Variants in NUDCD3 observed in about 807,000 individuals in gnomAD.
NUDCD3 encodes nudC domain-containing protein 3.
Under a neutral mutation model 39.7 loss-of-function variants are expected in NUDCD3, and 13 were observed. The ratio of observed to expected loss-of-function variants is 0.33; its 90% CI spans 0.21 to 0.52. NUDCD3 has a LOEUF of 0.52. Among genes scored for constraint, NUDCD3 ranks in the 20% least tolerant of loss-of-function variants. The pLI, the probability that NUDCD3 is intolerant of heterozygous loss-of-function variation, is 0.96. For synonymous variants in NUDCD3, 175 were observed against 172.4 expected (o/e 1.02, Z -0.12); for missense variants, 453 against 458.1 (o/e 0.99, Z 0.10).
chr7:44,468,301 G>A, intron 2 of NUDCD3: 1 of 1,407,612 alleles, frequency 7.1e-7, no homozygotes, highest in Non-Finnish European at 9.6e-7. Flanking sequence ...AAGAAAATGA[G>A]TAGACAGCTC....
chr7:44,395,871 C>G (rs1563164425), intron 4 of NUDCD3, among the ~76,000 whole-genome samples: 1 of 152,174 alleles, frequency 6.6e-6, no homozygotes. Flanking sequence ...AATAATGCTG[C>G]TATGAACATT....
chr7:44,407,206 C>T (rs1010219742), intron 3 of NUDCD3, among the ~76,000 whole-genome samples: 3 of 150,174 alleles, frequency 2.0e-5, no homozygotes, highest in African/African-American at 7.4e-5. Flanking sequence ...TTCAGACACA[C>T]AGTAGACAAA....
chr7:44,402,267 C>A (rs997280052), intron 4 of NUDCD3, among the ~76,000 whole-genome samples: 17 of 152,192 alleles, frequency 1.1e-4, no homozygotes, highest in African/African-American at 3.9e-4. Context: ...AAGAGCCTGG[C>A]CCAAAGACTG....
At chr7:44,423,788 A>G (rs1433206859) in intron 3 of NUDCD3, among the ~76,000 whole-genome samples, 1 of 152,206 alleles carries the variant, frequency 6.6e-6, no homozygotes, top group Non-Finnish European at 1.5e-5. Flanking sequence ...ACTAGAAAAA[A>G]ACTACTTTAA....
intron 3 of NUDCD3, among the ~76,000 whole-genome samples, chr7:44,406,316 T>C (rs967114955): frequency 1.3e-5 from 2 of 152,202 alleles, no homozygotes; most frequent in South Asian, 2.1e-4. Flanking sequence ...AAAAGGGTAT[T>C]TACTTGGCTA....
chr7:44,428,457 C>T (rs1382056187), intron 2 of NUDCD3, among the ~76,000 whole-genome samples: 4 of 149,440 alleles, frequency 2.7e-5, no homozygotes, highest in African/African-American at 9.8e-5. Context: ...AAAAAAAAGG[C>T]AAAACCACTT....
chr7:44,409,290 C>A (rs1229616104), intron 3 of NUDCD3, among the ~76,000 whole-genome samples: 2 of 152,182 alleles, frequency 1.3e-5, no homozygotes, highest in Non-Finnish European at 2.9e-5. Flanking sequence ...TATGCTCCAA[C>A]AGGTAGATGA....
At chr7:44,456,413 G>A (rs917167652) in intron 2 of NUDCD3, among the ~76,000 whole-genome samples, 4 of 152,124 alleles carry the variant, frequency 2.6e-5, no homozygotes, top group Admixed American at 2.0e-4. Context: ...GGTTAAACTC[G>A]AGCAAACTCC....
At chr7:44,389,046 T>C (rs1338469800) in intron 5 of NUDCD3, among the ~76,000 whole-genome samples, 5 of 152,222 alleles carry the variant, frequency 3.3e-5, no homozygotes, top group African/African-American at 1.2e-4. Flanking sequence ...GCCTGGGCTA[T>C]GCAGTGCCCT....
At position 44,485,412 on chromosome 7, in the gene NUDCD3, C is replaced by A. The variant is rs1800586163; in HGVS notation, c.193-128G>T. On this transcript the variant is annotated intron_variant, in intron 1 of 5. Coordinates refer to ENST00000355451, the MANE Select transcript of NUDCD3 (RefSeq NM_015332.4). ...AGAAACTGACAAGTTTTCCCACTGG[C>A]AAAATGGAAATGCACTGCCACTTCA... 1.2e-5 allele frequency: 9 copies of A among 777,022 alleles called. No homozygotes were observed. In the South Asian group the frequency reaches 1.2e-4, roughly 11 times the overall value. The allele number at this position is 777,022 out of a possible 1,614,324, so 48.1% of individuals were successfully genotyped here.
chr7:44,419,616 C>T (rs1440040232), intron 3 of NUDCD3, among the ~76,000 whole-genome samples: 1 of 152,130 alleles, frequency 6.6e-6, no homozygotes, highest in Non-Finnish European at 1.5e-5. Flanking sequence ...TGGCATTAGC[C>T]CAGTGCCCCT....
intron 2 of NUDCD3, among the ~76,000 whole-genome samples, chr7:44,468,658 T>G (rs1800185942): frequency 6.6e-6 from 1 of 152,138 alleles, no homozygotes; most frequent in Admixed American, 6.5e-5. Context: ...CAGCACCAAC[T>G]AACACAGCAG....
rs748058384 is a variant in NUDCD3, at chr7:44,392,499, G to A, written c.787-14C>T. 2 of 1,612,484 alleles carry A rather than the reference G, an allele frequency of 1.2e-6. No homozygotes were observed. Among genetic ancestry groups the A allele is most frequent in the South Asian group, 2.2e-5 (2 of 90,808 alleles). On this transcript the variant is annotated splice_polypyrimidine_tract_variant and intron_variant, in intron 4 of 5. Transcript: ENST00000355451. Reference sequence around the variant, plus strand: ...GCTCAGGTTCACCTGGGGACAAGCAGGACAGAGACCTGAGTCAGAGACCTG... The same window carrying A: ...GCTCAGGTTCACCTGGGGACAAGCAAGACAGAGACCTGAGTCAGAGACCTG...
chr7:44,402,559 G>A (rs957944840), intron 4 of NUDCD3: 4 of 443,884 alleles, frequency 9.0e-6, no homozygotes, highest in African/African-American at 8.0e-5. Flanking sequence ...GTGGCTATGG[G>A]CTCAGAGACC....
chr7:44,464,663 A>G (rs528391924), intron 2 of NUDCD3, among the ~76,000 whole-genome samples: 8 of 152,328 alleles, frequency 5.3e-5, no homozygotes, highest in African/African-American at 1.7e-4. Context: ...CACATTGGCC[A>G]GGCTGGTCTC....
chr7:44,410,292 A>G (rs908598175), intron 3 of NUDCD3, among the ~76,000 whole-genome samples: 2 of 152,228 alleles, frequency 1.3e-5, no homozygotes, highest in South Asian at 2.1e-4. Flanking sequence ...AGAACTTACT[A>G]TAAAGCTACA....
intron 5 of NUDCD3, among the ~76,000 whole-genome samples, chr7:44,389,714 A>G (rs1180637064): frequency 6.6e-6 from 1 of 152,186 alleles, no homozygotes; most frequent in Non-Finnish European, 1.5e-5. Flanking sequence ...ACGTGCCCCA[A>G]TAGAGGGGTG....
intron 3 of NUDCD3, among the ~76,000 whole-genome samples, chr7:44,415,829 G>A (rs754699750): frequency 1.1e-4 from 17 of 152,122 alleles, no homozygotes; most frequent in African/African-American, 3.1e-4. Context: ...TGTTGCAGCC[G>A]GGGTTACCAT....
intron 4 of NUDCD3, among the ~76,000 whole-genome samples, chr7:44,399,128 A>G (rs533074492): frequency 6.7e-4 from 102 of 152,292 alleles, no homozygotes; most frequent in African/African-American, 2.3e-3. Context: ...CTCCAACCCC[A>G]TGAAACGAGG....
Sources: allele counts gnomAD v4.1 joint callset (sites outside exome capture counted in the v4.1 genomes callset), GRCh38; gene constraint gnomAD v4.1.1; transcripts MANE v1.5; gene names NCBI Gene and HGNC (gene_info 2026-07-23, HGNC 2026-07-21).